The following LIMCH1 variants were observed in gnomAD, a reference collection of about 807,000 sequenced individuals.
LIMCH1 encodes the protein LIM and calponin homology domains-containing protein 1.
Under a neutral mutation model 176.5 loss-of-function variants are expected in LIMCH1, and 113 were observed. That is an observed-to-expected ratio of 0.64 (90% CI 0.55 to 0.75). The LOEUF (loss-of-function observed/expected upper bound fraction) is 0.75, where lower values mean the gene tolerates loss of function less well. Ranked by LOEUF, LIMCH1 falls within the 30% of genes least tolerant of loss-of-function variation. The pLI is 0.00. For synonymous variants in LIMCH1, 619 were observed against 645.9 expected (o/e 0.96, Z 0.63); for missense variants, 1,674 against 1,814.9 (o/e 0.92, Z 1.41).
chr4:41,484,506 G>GT (rs1378398788), intron 1 of LIMCH1, among the ~76,000 whole-genome samples: 1 of 152,188 alleles, frequency 6.6e-6, no homozygotes, highest in African/African-American at 2.4e-5. Context: ...GATAAATTTT[G>GT]TTCTGCTTTA....
In LIMCH1 at chr4:41,646,859, C is replaced by G. The variant is rs1333257734; in HGVS notation, c.2786C>G (p.Pro929Arg). 3.7e-6 allele frequency: 6 copies of G among 1,613,738 alleles called. No individual in the cohort carries two copies. Among genetic ancestry groups the G allele is most frequent in the Non-Finnish European group, 4.2e-6 (5 of 1,179,810 alleles). The change falls in exon 17 of 32, where the codon CCC (proline) becomes CGC (arginine). Residue 929 changes from proline (P) to arginine (R), a missense_variant. Pro to Arg is a moderately radical substitution (Grantham distance 103). Around this residue, in one of 3 missense-constraint regions of LIMCH1, gnomAD observed 1,015 missense variants for 1,102.5 expected, o/e 0.92. Coordinates refer to ENST00000503057, the MANE Select transcript of LIMCH1 (RefSeq NM_001330672.2). ...PMLTPKPYSQ[P>R]KNSQDVLKTF... ...CTGACACCCAAGCCTTACTCCCAGC[C>G]CAAAAATTCTCAAGATGTTCTGAAG...
chr4:41,541,942 T>C (rs2078716673), intron 1 of LIMCH1, among the ~76,000 whole-genome samples: 1 of 152,176 alleles, frequency 6.6e-6, no homozygotes, highest in South Asian at 2.1e-4. Context: ...GTCGCTCTGG[T>C]TTCTGAGCCC....
intron 1 of LIMCH1, among the ~76,000 whole-genome samples, chr4:41,589,288 G>A (rs957940470): frequency 2.0e-5 from 3 of 152,190 alleles, no homozygotes; most frequent in African/African-American, 7.2e-5. Context: ...TTAAAAGAGA[G>A]CGAGAGAGCT....
At chr4:41,389,507 C>A in intron 1 of LIMCH1, 1 of 175,052 alleles carries the variant, frequency 5.7e-6, no homozygotes. Flanking sequence ...ACTGCCCCGT[C>A]TGTGGGCCGC....
intron 13 of LIMCH1, among the ~76,000 whole-genome samples, chr4:41,634,571 G>C (rs935538445): frequency 6.6e-6 from 1 of 152,118 alleles, no homozygotes; most frequent in Non-Finnish European, 1.5e-5. Context: ...CAATACCCTA[G>C]CCATCTTGAT....
chr4:41,521,023 A>G (rs1429251386), intron 2 of LIMCH1, among the ~76,000 whole-genome samples: 2 of 152,234 alleles, frequency 1.3e-5, no homozygotes, highest in East Asian at 3.9e-4. Context: ...CTGTAGGTGG[A>G]ACTTGGATCC....
chr4:41,632,582 A>C (rs2093381639), intron 10 of LIMCH1, among the ~76,000 whole-genome samples, 167 bp from the exon 11 acceptor site: 1 of 152,188 alleles, frequency 6.6e-6, no homozygotes, highest in Non-Finnish European at 1.5e-5. Context: ...GCCAGAGTTC[A>C]CATTCCATTA....
intron 1 of LIMCH1, among the ~76,000 whole-genome samples, chr4:41,442,037 C>G (rs914914978): frequency 2.0e-5 from 3 of 152,010 alleles, no homozygotes; most frequent in Admixed American, 2.0e-4. Flanking sequence ...TTTAAAATAG[C>G]CTGGGTGTGG....
intron 18 of LIMCH1, among the ~76,000 whole-genome samples, chr4:41,654,234 G>T (rs1011899725): frequency 1.4e-4 from 21 of 152,084 alleles, no homozygotes; most frequent in Non-Finnish European, 2.6e-4. Flanking sequence ...TTTGAATTTT[G>T]ATCTTTTCCT....
intron 1 of LIMCH1, among the ~76,000 whole-genome samples, chr4:41,381,461 G>A (rs572883559): frequency 6.6e-6 from 1 of 152,316 alleles, no homozygotes; most frequent in South Asian, 2.1e-4. Flanking sequence ...CCTCACAGAG[G>A]GAGCTGAATT....
At chr4:41,561,980 C>T (rs974157988) in intron 1 of LIMCH1, among the ~76,000 whole-genome samples, 4 of 152,160 alleles carry the variant, frequency 2.6e-5, no homozygotes, top group African/African-American at 9.7e-5. Flanking sequence ...ATTTTCTGCA[C>T]GTCTCACCCT....
At chr4:41,666,728 A>C (rs1050938265) in intron 21 of LIMCH1, 62 bp downstream of exon 21, 1 of 1,101,926 alleles carries the variant, frequency 9.1e-7, no homozygotes, top group Non-Finnish European at 1.4e-6. Flanking sequence ...GTAAACTATT[A>C]CTTAATTTAA....
chr4:41,529,543 G>C (rs1247424077), intron 3 of LIMCH1, among the ~76,000 whole-genome samples: 4 of 152,184 alleles, frequency 2.6e-5, no homozygotes, highest in African/African-American at 9.7e-5. Flanking sequence ...TTGTTTTGCA[G>C]ATGAGGACAT....
intron 1 of LIMCH1, among the ~76,000 whole-genome samples, chr4:41,428,285 C>T (rs2061298449): frequency 6.6e-6 from 1 of 152,190 alleles, no homozygotes; most frequent in African/African-American, 2.4e-5. Context: ...CACTTAACCT[C>T]ACTGTCCCTC....
At chr4:41,511,406 G>A (rs4392535) in intron 2 of LIMCH1, among the ~76,000 whole-genome samples, 54,313 of 152,094 alleles carry the variant, frequency 0.36, 11,037 homozygotes, top group African/African-American at 0.55. Context: ...AGCACCCATC[G>A]CTGTGACAGC....
intron 2 of LIMCH1, among the ~76,000 whole-genome samples, chr4:41,514,196 A>C (rs1482945747): frequency 6.6e-6 from 1 of 152,112 alleles, no homozygotes; most frequent in East Asian, 1.9e-4. Flanking sequence ...AGGCCCTAAC[A>C]AGGACTGGCC....
intron 4 of LIMCH1, among the ~76,000 whole-genome samples, chr4:41,608,816 C>G (rs1364436187): frequency 6.6e-6 from 1 of 152,108 alleles, no homozygotes; most frequent in South Asian, 2.1e-4. Flanking sequence ...TGAAGGGACA[C>G]CCATGGGGAC....
intron 1 of LIMCH1, among the ~76,000 whole-genome samples, chr4:41,430,757 A>G (rs1445633540): frequency 6.6e-6 from 1 of 152,244 alleles, no homozygotes; most frequent in Non-Finnish European, 1.5e-5. Flanking sequence ...TGTGAAAGAC[A>G]TCATTTTTGT....
At chr4:41,454,266 G>A (rs1472720902) in intron 1 of LIMCH1, among the ~76,000 whole-genome samples, 1 of 152,182 alleles carries the variant, frequency 6.6e-6, no homozygotes, top group Non-Finnish European at 1.5e-5. Flanking sequence ...ATAAGGGAAT[G>A]CGTAAATTAA....
Sources: allele counts gnomAD v4.1 joint callset (sites outside exome capture counted in the v4.1 genomes callset), GRCh38; gene constraint gnomAD v4.1.1; regional missense constraint gnomAD v4.1.1; transcripts MANE v1.5; gene names NCBI Gene and HGNC (gene_info 2026-07-23, HGNC 2026-07-21).